The following KIAA0825 variants were observed in gnomAD, a reference collection of about 807,000 sequenced individuals.
KIAA0825 encodes KIAA0825.
KIAA0825 carries 119 observed loss-of-function variants against 147.6 expected under a neutral mutation model. The observed-to-expected ratio is 0.81, with a 90% confidence interval of 0.69 to 0.94. The LOEUF (loss-of-function observed/expected upper bound fraction) is 0.94, where lower values mean the gene tolerates loss of function less well. Among genes scored for constraint, KIAA0825 ranks in the 40% least tolerant of loss-of-function variants. KIAA0825 has a pLI of 0.00. For missense variants in KIAA0825, 1,381 were observed against 1,472.7 expected (o/e 0.94, Z 1.02); for synonymous variants, 470 against 518.1 (o/e 0.91, Z 1.26).
chr5:94,452,148 T>A (rs913300045), intron 13 of KIAA0825, among the ~76,000 whole-genome samples: 1 of 152,190 alleles, frequency 6.6e-6, no homozygotes, highest in Non-Finnish European at 1.5e-5. Context: ...GTCTCATTAA[T>A]GTTGGATTTT....
In KIAA0825 at chr5:94,565,095, C is replaced by CTTTTTTTTT. The variant is rs1176429699; in HGVS notation, c.-2+17329_-2+17337dup. Among the ~76,000 whole-genome samples the CTTTTTTTTT allele has an allele frequency of 3.0e-3, 161 of 52,920 alleles. 21 individuals carry two copies. Among genetic ancestry groups the CTTTTTTTTT allele is most frequent in the African/African-American group, 0.011 (140 of 12,746 alleles). The allele number at this position is 52,920 out of a possible 152,430, so 34.7% of individuals were successfully genotyped here. A position where few individuals can be genotyped will look rare whatever the true frequency, so the allele number is the denominator to read the frequency against. On this transcript the variant is annotated intron_variant, in intron 2 of 20. Transcript: ENST00000682413. ...CTCTTTCTCTCTCTTTCTTGCTTTCCTTTTTTTTTTTTTTTTTTGGTAGAG... is the reference window on the plus strand; with the variant it reads ...CTCTTTCTCTCTCTTTCTTGCTTTCCTTTTTTTTTTTTTTTTTTTTTTTTTTTGGTAGAG...
At chr5:94,344,175 A>G (rs894903757) in intron 20 of KIAA0825, among the ~76,000 whole-genome samples, 3 of 152,362 alleles carry the variant, frequency 2.0e-5, no homozygotes, top group Admixed American at 1.3e-4. Context: ...ATTATTCATA[A>G]TAACTAAGAA....
At chr5:94,314,550 G>A (rs1335553212) in intron 20 of KIAA0825, among the ~76,000 whole-genome samples, 1 of 151,592 alleles carries the variant, frequency 6.6e-6, no homozygotes, top group East Asian at 1.9e-4. Context: ...ATGGAAGCTG[G>A]CTTCTTGTTT....
chr5:94,577,344 C>A (rs1265505888), intron 2 of KIAA0825, among the ~76,000 whole-genome samples: 1 of 152,076 alleles, frequency 6.6e-6, no homozygotes. Flanking sequence ...ATAGGGTGGA[C>A]AAAGACAGTA....
intron 5 of KIAA0825, among the ~76,000 whole-genome samples, chr5:94,487,489 T>C (rs1199829662): frequency 6.6e-6 from 1 of 152,206 alleles, no homozygotes; most frequent in African/African-American, 2.4e-5. Context: ...ATTTGACTTA[T>C]TTTACCTCAC....
intron 5 of KIAA0825, among the ~76,000 whole-genome samples, chr5:94,485,132 C>G (rs952962276): frequency 2.6e-5 from 4 of 151,740 alleles, no homozygotes; most frequent in African/African-American, 7.2e-5. Context: ...TATTCTGTTT[C>G]AGGCAAATAT....
chr5:94,368,379 C>A (rs1746169766), intron 20 of KIAA0825, among the ~76,000 whole-genome samples: 1 of 152,062 alleles, frequency 6.6e-6, no homozygotes, highest in African/African-American at 2.4e-5. Flanking sequence ...CTGCATGTTG[C>A]CCAGGCTAGT....
chr5:94,168,214 A>G (rs1327599852), intron 20 of KIAA0825, among the ~76,000 whole-genome samples: 1 of 152,072 alleles, frequency 6.6e-6, no homozygotes, highest in African/African-American at 2.4e-5. Flanking sequence ...TTGTTATATG[A>G]TTATGATAAC....
intron 20 of KIAA0825, among the ~76,000 whole-genome samples, chr5:94,328,381 G>A (rs1410066410): frequency 6.6e-6 from 1 of 151,910 alleles, no homozygotes; most frequent in Non-Finnish European, 1.5e-5. Flanking sequence ...AGTATTTATA[G>A]GCTAAAATTG....
At chr5:94,173,589 C>T (rs1768829768) in intron 20 of KIAA0825, among the ~76,000 whole-genome samples, 2 of 152,162 alleles carry the variant, frequency 1.3e-5, no homozygotes, top group Non-Finnish European at 2.9e-5. Context: ...AGAAGCTGCA[C>T]TGCTTTTTAT....
chr5:94,513,090 T>C (rs954183959), intron 5 of KIAA0825, among the ~76,000 whole-genome samples: 1 of 152,178 alleles, frequency 6.6e-6, no homozygotes, highest in Non-Finnish European at 1.5e-5. Flanking sequence ...ATTGAATAGT[T>C]GCAAGATAAG....
At chr5:94,572,633 A>T (rs1780194679) in intron 2 of KIAA0825, among the ~76,000 whole-genome samples, 1 of 152,200 alleles carries the variant, frequency 6.6e-6, no homozygotes, top group African/African-American at 2.4e-5. Flanking sequence ...AGATTTCCAG[A>T]ATATTATATT....
intron 8 of KIAA0825, among the ~76,000 whole-genome samples, chr5:94,473,042 T>A (rs190973613): frequency 7.9e-5 from 12 of 152,080 alleles, no homozygotes; most frequent in African/African-American, 2.9e-4. Flanking sequence ...GTTTCCCAGC[T>A]CCCCATGAAG....
At position 94,386,305 on chromosome 5, in the gene KIAA0825, G is replaced by C; in HGVS notation, c.3556C>G (p.Pro1186Ala). The change falls in exon 19 of 21, where the codon CCT (proline) becomes GCT (alanine). Residue 1186 changes from proline (P) to alanine (A), a missense_variant. By Grantham distance (27) the Pro-to-Ala change is conservative. Coordinates refer to ENST00000682413, the MANE Select transcript of KIAA0825 (RefSeq NM_001145678.3). ...ACATGGAAAGGGTTAAAGGCAGAAG[G>C]CTGATCTTCTATACTCCTCAAGGTC... Reference protein sequence around the residue: ...KTTLRSIEDQPSAFNPFHVYK... With the variant: ...KTTLRSIEDQASAFNPFHVYK... 1.9e-6 allele frequency: 3 copies of C among 1,551,464 alleles called. No homozygotes were observed. The highest frequency in any genetic ancestry group is 1.2e-5 in the South Asian group (1 of 84,054).
chr5:94,528,377 A>T (rs796681838), intron 3 of KIAA0825, among the ~76,000 whole-genome samples: 18 of 152,304 alleles, frequency 1.2e-4, no homozygotes, highest in African/African-American at 3.6e-4. Context: ...GTTGTTATAT[A>T]CCACGGATCC....
At chr5:94,272,604 G>A (rs960745666) in intron 20 of KIAA0825, among the ~76,000 whole-genome samples, 1 of 152,144 alleles carries the variant, frequency 6.6e-6, no homozygotes, top group South Asian at 2.1e-4. Context: ...CATAGAAAAT[G>A]TGTGAACATT....
At chr5:94,306,625 T>C (rs1379904140) in intron 20 of KIAA0825, among the ~76,000 whole-genome samples, 2 of 151,836 alleles carry the variant, frequency 1.3e-5, no homozygotes, top group Non-Finnish European at 2.9e-5. Flanking sequence ...GTAAAGTTAC[T>C]TAGATAAACT....
chr5:94,552,679 G>A (rs1775764025), intron 2 of KIAA0825, among the ~76,000 whole-genome samples: 1 of 152,204 alleles, frequency 6.6e-6, no homozygotes, highest in African/African-American at 2.4e-5. Context: ...AAGATATTAT[G>A]AAGAAAATTT....
intron 5 of KIAA0825, among the ~76,000 whole-genome samples, chr5:94,489,076 G>T (rs575631980): frequency 6.6e-6 from 1 of 152,220 alleles, no homozygotes; most frequent in Admixed American, 6.5e-5. Context: ...GGTTCTTGTT[G>T]TTGGTTGTAT....
Sources: gnomAD v4.1 joint callset for allele counts (sites outside exome capture counted in the v4.1 genomes callset) on GRCh38, gnomAD v4.1.1 for gene constraint, MANE v1.5 for transcripts, NCBI Gene and HGNC (gene_info 2026-07-23, HGNC 2026-07-21) for gene names.